The following TBC1D19 variants were observed in gnomAD, a reference collection of about 807,000 sequenced individuals.
TBC1D19 encodes the protein TBC1 domain family, member 19.
A neutral mutation model predicts 89.0 loss-of-function variants in TBC1D19; 60 were observed. The ratio of observed to expected loss-of-function variants is 0.67; its 90% CI spans 0.55 to 0.84. TBC1D19 has a LOEUF of 0.84. Ranked by LOEUF, TBC1D19 falls within the 40% of genes least tolerant of loss-of-function variation. The pLI, the probability that TBC1D19 is intolerant of heterozygous loss-of-function variation, is 0.00. For synonymous variants in TBC1D19, 189 were observed against 199.7 expected, an observed-to-expected ratio of 0.95 and a Z score of 0.45; for missense variants, 500 against 610.8, an observed-to-expected ratio of 0.82 and a Z score of 1.91.
chr4:26,591,265 A>T (rs1203042983), intron 1 of TBC1D19, among the ~76,000 whole-genome samples: 2 of 152,042 alleles, frequency 1.3e-5, no homozygotes, highest in Non-Finnish European at 2.9e-5. Context: ...TTTATTGTAT[A>T]GATGTACCAC....
At chr4:26,601,296 T>C (rs1475132564) in intron 1 of TBC1D19, among the ~76,000 whole-genome samples, 1 of 152,184 alleles carries the variant, frequency 6.6e-6, no homozygotes, top group Non-Finnish European at 1.5e-5. Flanking sequence ...GTATCTGTCT[T>C]TTTAAAGATT....
intron 1 of TBC1D19, among the ~76,000 whole-genome samples, chr4:26,599,950 C>CAAAAA (rs36092049): frequency 2.7e-5 from 2 of 72,780 alleles, no homozygotes; most frequent in African/African-American, 5.6e-5. Flanking sequence ...TCTGTCTCTC[C>CAAAAA]AAAAAAAAAA....
chr4:26,777,583 G>A, the TBC1D19 span, among the ~76,000 whole-genome samples: 1 of 152,168 alleles, frequency 6.6e-6, no homozygotes, highest in East Asian at 1.9e-4. Flanking sequence ...GGATTGCTGG[G>A]ATTACAGGCG....
chr4:26,852,505 T>C, the TBC1D19 span, among the ~76,000 whole-genome samples: 2 of 152,160 alleles, frequency 1.3e-5, no homozygotes, highest in African/African-American at 2.4e-5. Flanking sequence ...TGCAGTGAGC[T>C]GTGATTGTGC....
At chr4:26,617,348 C>G (rs1741757740) in intron 3 of TBC1D19, among the ~76,000 whole-genome samples, 2 of 152,246 alleles carry the variant, frequency 1.3e-5, no homozygotes, top group African/African-American at 4.8e-5. Context: ...GACAAACATT[C>G]AAACCATGGC....
In TBC1D19 at chr4:26,721,341, A is replaced by G. The variant is rs544046674; in HGVS notation, c.1084+1216A>G. 1.8e-4 allele frequency among the ~76,000 whole-genome samples: 28 copies of G among 152,110 alleles called. No homozygotes were observed. The South Asian group carries it at 5.6e-3, about 30-fold the overall frequency. ...TTCTCTCTCAGTTAATTGAATTGTCATCTTCCTAGTAACTCAAGGCCATCC... is the reference window on the plus strand; with the variant it reads ...TTCTCTCTCAGTTAATTGAATTGTCGTCTTCCTAGTAACTCAAGGCCATCC... On this transcript the variant is annotated intron_variant, in intron 15 of 20. Transcript: ENST00000264866.
chr4:26,821,497 AG>A, the TBC1D19 span, among the ~76,000 whole-genome samples: 2 of 152,368 alleles, frequency 1.3e-5, no homozygotes, highest in South Asian at 4.1e-4. Flanking sequence ...CAGGTTTTGT[AG>A]TACTCCTTGT....
intron 4 of TBC1D19, among the ~76,000 whole-genome samples, chr4:26,626,112 A>G (rs1021471727): frequency 2.0e-5 from 3 of 152,126 alleles, no homozygotes; most frequent in Admixed American, 6.6e-5. Flanking sequence ...ATTTATTTAC[A>G]TCAGTATGGA....
chr4:26,823,889 C>T, the TBC1D19 span, among the ~76,000 whole-genome samples: 1 of 152,192 alleles, frequency 6.6e-6, no homozygotes, highest in Non-Finnish European at 1.5e-5. Flanking sequence ...CAGGATTCCT[C>T]CCCTCTTCCT....
At chr4:26,693,602 C>T (rs998058387) in intron 13 of TBC1D19, among the ~76,000 whole-genome samples, 7 of 150,954 alleles carry the variant, frequency 4.6e-5, no homozygotes, top group East Asian at 2.0e-4. Flanking sequence ...GGCTGAGATG[C>T]GAGGATCACT....
chr4:26,777,688 A>T, the TBC1D19 span, among the ~76,000 whole-genome samples: 1 of 151,992 alleles, frequency 6.6e-6, no homozygotes, highest in African/African-American at 2.4e-5. Context: ...GCGTCAAGTG[A>T]TCCACCAGGC....
At chr4:26,698,170 G>T (rs1424515796) in intron 13 of TBC1D19, among the ~76,000 whole-genome samples, 1 of 152,120 alleles carries the variant, frequency 6.6e-6, no homozygotes, top group African/African-American at 2.4e-5. Context: ...AAAGTCTCAG[G>T]ATACAAAATC....
the TBC1D19 span, among the ~76,000 whole-genome samples, chr4:26,831,110 CTT>C: frequency 3.0e-4 from 40 of 133,798 alleles, no homozygotes; most frequent in South Asian, 9.7e-3. Context: ...CAACTGGAAA[CTT>C]TGCCTAAGGT....
At chr4:26,783,411 A>G in the TBC1D19 span, among the ~76,000 whole-genome samples, 6 of 152,348 alleles carry the variant, frequency 3.9e-5, no homozygotes, top group East Asian at 9.6e-4. Flanking sequence ...ATGACTTGCC[A>G]TATGTTAGAG....
At chr4:26,826,100 G>A in the TBC1D19 span, among the ~76,000 whole-genome samples, 1 of 152,172 alleles carries the variant, frequency 6.6e-6, no homozygotes, top group African/African-American at 2.4e-5. Context: ...TACACAGGAG[G>A]CTGAGACAGG....
the TBC1D19 span, among the ~76,000 whole-genome samples, chr4:26,846,569 A>G: frequency 1.3e-5 from 2 of 152,148 alleles, no homozygotes; most frequent in South Asian, 4.1e-4. Flanking sequence ...TCTTTTTGAT[A>G]TGGATAATGT....
chr4:26,669,947 G>T (rs1712144758), intron 9 of TBC1D19, among the ~76,000 whole-genome samples: 1 of 151,640 alleles, frequency 6.6e-6, no homozygotes, highest in South Asian at 2.1e-4. Context: ...GGGCAGTTTT[G>T]TGATGTGCTT....
At chr4:26,607,212 C>G (rs181735225) in intron 1 of TBC1D19, among the ~76,000 whole-genome samples, 260 of 152,242 alleles carry the variant, frequency 1.7e-3, no homozygotes, top group African/African-American at 6.0e-3. Context: ...TTCACTAGCT[C>G]TTAAAGTGAG....
downstream of TBC1D19, among the ~76,000 whole-genome samples, chr4:26,757,188 T>G (rs1008603444): frequency 2.0e-5 from 3 of 152,158 alleles, no homozygotes; most frequent in Non-Finnish European, 4.4e-5. Context: ...TAAGTTTTTG[T>G]ATTTTTAGTA....
Sources: allele counts gnomAD v4.1 joint callset (sites outside exome capture counted in the v4.1 genomes callset), GRCh38; gene constraint gnomAD v4.1.1; transcripts MANE v1.5; gene names NCBI Gene and HGNC (gene_info 2026-07-23, HGNC 2026-07-21).